Variants in TBCK observed in about 807,000 individuals in gnomAD.
TBCK encodes the protein TBC1 domain containing kinase, also known as TBC domain-containing protein kinase-like protein.
Under a neutral mutation model 113.4 loss-of-function variants are expected in TBCK, and 99 were observed. That is an observed-to-expected ratio of 0.87 (90% CI 0.74 to 1.03). The LOEUF (loss-of-function observed/expected upper bound fraction) is 1.03, where lower values mean the gene tolerates loss of function less well. Ranked by LOEUF, TBCK falls within the 50% of genes least tolerant of loss-of-function variation. TBCK has a pLI of 0.00. For synonymous variants in TBCK, 369 were observed against 370.8 expected, an observed-to-expected ratio of 1.00 and a Z score of 0.05; for missense variants, 1,045 against 1,061.3, an observed-to-expected ratio of 0.98 and a Z score of 0.21.
intron 23 of TBCK, among the ~76,000 whole-genome samples, chr4:106,167,948 T>G (rs777753811): frequency 6.6e-6 from 1 of 151,834 alleles, no homozygotes; most frequent in Non-Finnish European, 1.5e-5. Flanking sequence ...TTATGCCAAC[T>G]GTCTACAATT....
At chr4:106,219,562 C>G (rs1442883332) in intron 19 of TBCK, among the ~76,000 whole-genome samples, 1 of 151,632 alleles carries the variant, frequency 6.6e-6, no homozygotes, top group Non-Finnish European at 1.5e-5. Context: ...TTTTTTCATT[C>G]TTCCAAAGTT....
At position 106,238,198 on chromosome 4, in the gene TBCK, C is replaced by T. The variant is rs535126878; in HGVS notation, c.1171-1390G>A. On this transcript the variant is annotated intron_variant, in intron 12 of 25. Coordinates refer to ENST00000394708, the MANE Select transcript of TBCK (RefSeq NM_001163435.3). Reference sequence around the variant, plus strand: ...TATATTTTGGATGTAATTTATTGTTCGCTGCAGGGTATTATTACTTATTTT... The same window carrying T: ...TATATTTTGGATGTAATTTATTGTTTGCTGCAGGGTATTATTACTTATTTT... 6.4e-4 allele frequency among the ~76,000 whole-genome samples: 98 copies of T among 152,060 alleles called. 3 individuals are homozygous for T. The highest frequency in any genetic ancestry group is 1.8e-3 in the Admixed American group (28 of 15,234).
At chr4:106,123,250 C>T (rs988087265) in intron 23 of TBCK, among the ~76,000 whole-genome samples, 16 of 152,188 alleles carry the variant, frequency 1.1e-4, no homozygotes, top group Non-Finnish European at 1.9e-4. Flanking sequence ...AGAGCCAAAT[C>T]ATGAGTGAAC....
At chr4:106,226,562 CACT>C (rs1359896180) in intron 19 of TBCK, among the ~76,000 whole-genome samples, 3 of 152,146 alleles carry the variant, frequency 2.0e-5, no homozygotes, top group South Asian at 2.1e-4. Context: ...GTTCAGTAAA[CACT>C]ACAATTTCAT....
At chr4:106,208,642 T>G (rs1341582596) in intron 20 of TBCK, among the ~76,000 whole-genome samples, 4 of 152,072 alleles carry the variant, frequency 2.6e-5, no homozygotes, top group Non-Finnish European at 4.4e-5. Flanking sequence ...CCGCTAGCTG[T>G]CAGCACAACC....
intron 19 of TBCK, among the ~76,000 whole-genome samples, chr4:106,225,028 T>C (rs1758085887): frequency 6.6e-6 from 1 of 152,210 alleles, no homozygotes; most frequent in Non-Finnish European, 1.5e-5. Context: ...ATTTACCGTA[T>C]CATAGTATGA....
At chr4:106,112,510 G>A (rs182865218) in intron 24 of TBCK, among the ~76,000 whole-genome samples, 45 of 152,182 alleles carry the variant, frequency 3.0e-4, no homozygotes, top group Admixed American at 5.2e-4. Context: ...ATTTACTAGC[G>A]CTCAGAGGGC....
rs186971612 is a variant in TBCK, at chr4:106,252,115, T to C, written c.456-108A>G. 1,321 of 827,722 alleles carry C rather than the reference T, an allele frequency of 1.6e-3. 8 individuals are homozygous for C. In the African/African-American group the frequency reaches 0.02, roughly 13 times the overall value. 51.3% of individuals were successfully genotyped at this position (827,722 alleles called of 1,614,324 possible). ...TATGTAAAAGTCTCATGCAATTAAA[T>C]TAACAACTGTTGCTAGAAAGCATTC... On this transcript the variant is annotated intron_variant, in intron 5 of 25. Transcript: ENST00000394708.
In TBCK at chr4:106,061,068, T is replaced by G. The variant is rs368166618; in HGVS notation, c.2572-14388A>C. Among the ~76,000 whole-genome samples the G allele has an allele frequency of 2.0e-4, 31 of 151,938 alleles. No homozygotes were observed. In the East Asian group the frequency reaches 5.6e-3, roughly 28 times the overall value. ...CAAAAAAAAAAGTGTTTTCTTGAGA[T>G]GCAATCTACTTCTGGTGAAGATGCT... On this transcript the variant is annotated intron_variant, in intron 25 of 25. Coordinates refer to ENST00000394708, the MANE Select transcript of TBCK (RefSeq NM_001163435.3).
chr4:106,244,799 T>C, intron 10 of TBCK, 35 bp from the exon 11 acceptor site: 2 of 1,346,770 alleles, frequency 1.5e-6, no homozygotes. Context: ...CATTGTATTA[T>C]ATTTTCTACT....
At chr4:106,204,751 ATTTTTTTTTT>A (rs34775295) in intron 20 of TBCK, among the ~76,000 whole-genome samples, 10 of 87,272 alleles carry the variant, frequency 1.1e-4, no homozygotes, top group African/African-American at 4.1e-4. Flanking sequence ...ACAAACAATG[ATTTTTTTTTT>A]TTTTTTTTTT....
intron 23 of TBCK, among the ~76,000 whole-genome samples, chr4:106,153,557 T>C (rs1748769531): frequency 6.6e-6 from 1 of 152,134 alleles, no homozygotes; most frequent in Non-Finnish European, 1.5e-5. Flanking sequence ...GGCTGTTGAA[T>C]GAAATGTTCT....
rs554328735 is a variant in TBCK, at chr4:106,120,083, C to G, written c.2236-3705G>C. ...GTTCATCTCACTAGAGAGTGCCAGA[C>G]AGTGGGCGCAGGTAAATGGGTGCGC... On this transcript the variant is annotated intron_variant, in intron 23 of 25. Coordinates refer to ENST00000394708, the MANE Select transcript of TBCK (RefSeq NM_001163435.3). 1.5e-3 allele frequency among the ~76,000 whole-genome samples: 232 copies of G among 152,270 alleles called. 1 individual carries two copies. The highest frequency in any genetic ancestry group is 2.3e-3 in the Non-Finnish European group (158 of 68,028).
intron 22 of TBCK, among the ~76,000 whole-genome samples, chr4:106,177,639 G>A (rs1751842542): frequency 6.6e-6 from 1 of 151,938 alleles, no homozygotes. Flanking sequence ...TAAGTTGGCT[G>A]TAAATGTGTG....
rs537294850 is a variant in TBCK at position 106,216,976 on chromosome 4, C to T, written c.1775-4141G>A. Among the ~76,000 whole-genome samples, 505 of 152,296 alleles carry T rather than the reference C, an allele frequency of 3.3e-3. 3 individuals carry two copies. The highest frequency in any genetic ancestry group is 0.012 in the African/African-American group (484 of 41,538). On this transcript the variant is annotated intron_variant, in intron 19 of 25. Transcript: ENST00000394708. Reference sequence around the variant, plus strand: ...TGATGCAAAAATCCTCAATAAAATACTGCCAAACCAAATCCAGCAGCACAT... The same window carrying T: ...TGATGCAAAAATCCTCAATAAAATATTGCCAAACCAAATCCAGCAGCACAT...
At chr4:106,278,244 T>G (rs1160496521) in intron 3 of TBCK, among the ~76,000 whole-genome samples, 1 of 151,946 alleles carries the variant, frequency 6.6e-6, no homozygotes, top group African/African-American at 2.4e-5. Flanking sequence ...GATATCAAAC[T>G]TGAATCAAAA....
At chr4:106,059,789 T>C (rs745657620) in intron 25 of TBCK, among the ~76,000 whole-genome samples, 27 of 151,966 alleles carry the variant, frequency 1.8e-4, no homozygotes, top group East Asian at 5.8e-4. Context: ...ATAGCCAAGA[T>C]AGCCCAAAAG....
intron 3 of TBCK, among the ~76,000 whole-genome samples, chr4:106,291,883 CACCATGGT>C (rs1268128377): frequency 6.6e-6 from 1 of 152,180 alleles, no homozygotes; most frequent in Admixed American, 6.5e-5. Flanking sequence ...ATCAATGAGT[CACCATGGT>C]ACACAATTCA....
At chr4:106,260,313 ATT>A in intron 5 of TBCK, 122 bp downstream of exon 5, 1 of 409,894 alleles carries the variant, frequency 2.4e-6, no homozygotes, top group Non-Finnish European at 4.3e-6. Flanking sequence ...ATTGAGATGC[ATT>A]AATTTTAAAA....
Sources: gnomAD v4.1 joint callset for allele counts (sites outside exome capture counted in the v4.1 genomes callset) on GRCh38, gnomAD v4.1.1 for gene constraint, MANE v1.5 for transcripts, NCBI Gene and HGNC (gene_info 2026-07-23, HGNC 2026-07-21) for gene names.